HSF2: variants seen among roughly 807,000 people sequenced by gnomAD.
HSF2 encodes heat shock transcription factor 2.
In HSF2, 21 loss-of-function variants were observed where a neutral mutation model predicts 65.0. The ratio of observed to expected loss-of-function variants is 0.32; its 90% CI spans 0.23 to 0.47. HSF2 has a LOEUF of 0.47. Ranked by LOEUF, HSF2 falls within the 20% of genes least tolerant of loss-of-function variation. The pLI, the probability that HSF2 is intolerant of heterozygous loss-of-function variation, is 1.00. For missense variants in HSF2, 499 were observed against 628.1 expected (o/e 0.79, Z 2.20); for synonymous variants, 225 against 219.1 (o/e 1.03, Z -0.24).
chr6:122,409,283 C>T (rs972440261), intron 1 of HSF2, among the ~76,000 whole-genome samples: 4 of 151,832 alleles, frequency 2.6e-5, no homozygotes, highest in African/African-American at 9.7e-5. Context: ...GTTAGTTGTA[C>T]CAAATGAAAT....
At chr6:122,409,195 A>T (rs1249883203) in intron 1 of HSF2, among the ~76,000 whole-genome samples, 1 of 151,990 alleles carries the variant, frequency 6.6e-6, no homozygotes. Flanking sequence ...AAGAAAATTG[A>T]AAGGAAATAT....
chr6:122,409,844 G>C (rs547981174), intron 1 of HSF2, among the ~76,000 whole-genome samples: 1 of 151,968 alleles, frequency 6.6e-6, no homozygotes, highest in South Asian at 2.1e-4. Context: ...CCAAAAGCTT[G>C]CTTGTAAAGA....
At chr6:122,420,270 AT>A in intron 7 of HSF2, 48 bp downstream of exon 7, 6 of 1,425,956 alleles carry the variant, frequency 4.2e-6, no homozygotes, top group South Asian at 1.2e-5. Context: ...CTCAGACTAA[AT>A]TTTATTATGG....
In HSF2 at chr6:122,422,263, A is replaced by G. The variant is rs376400267; in HGVS notation, c.795A>G (p.Pro265=). ...ATGAAGAAAATATCCCAGTTATTCC[A>G]GAAACTAATGAGGATGTTATATCTG... The part of the protein sequence containing the change: ...NADEENIPVI[P]ETNEDVISDP... Residue 265 remains proline, a synonymous_variant, in exon 8 of 13, where the codon CCA becomes CCG. Coordinates refer to ENST00000368455, the MANE Select transcript of HSF2 (RefSeq NM_004506.4). 1.9e-5 allele frequency: 31 copies of G among 1,600,666 alleles called. No homozygotes were observed. The highest frequency in any genetic ancestry group is 2.7e-5 in the Non-Finnish European group (31 of 1,168,564).
intron 1 of HSF2, 114 bp downstream of exon 1, chr6:122,399,944 G>A: frequency 1.2e-6 from 1 of 807,934 alleles, no homozygotes. Flanking sequence ...CGAGGCCCGC[G>A]GTGCGGGGCC....
Position 122,431,559 on chromosome 6 carries a change from C to T in HSF2, c.1315+45C>T, listed in dbSNP as rs58931802. 446 of 1,114,968 alleles carry T rather than the reference C, an allele frequency of 4.0e-4. 2 individuals are homozygous for T. The African/African-American group carries it at 5.7e-3, about 14-fold the overall frequency. The allele number at this position is 1,114,968 out of a possible 1,614,324, so 69.1% of individuals were successfully genotyped here. ...TCAGTCTCTGTAGGTTTTTTTAATC[C>T]TATGCAGAAACAAGTGCAAGCCGAG... On this transcript the variant is annotated intron_variant, in intron 12 of 12. Coordinates refer to ENST00000368455, the MANE Select transcript of HSF2 (RefSeq NM_004506.4).
chr6:122,421,914 C>T (rs549628163), intron 7 of HSF2, among the ~76,000 whole-genome samples: 3 of 151,914 alleles, frequency 2.0e-5, no homozygotes, highest in Non-Finnish European at 4.4e-5. Context: ...TCTTCAGGGT[C>T]CCTTACAGTA....
At chr6:122,406,091 C>G (rs1444651542) in intron 1 of HSF2, among the ~76,000 whole-genome samples, 2 of 152,122 alleles carry the variant, frequency 1.3e-5, no homozygotes, top group African/African-American at 4.8e-5. Flanking sequence ...TCTCTTTTAT[C>G]CCCTGCTGAC....
chr6:122,399,640 TGCGTTGTGG>T (rs1773663849), upstream of HSF2: 1 of 971,454 alleles, frequency 1.0e-6, no homozygotes. Context: ...CTGCTGCGCC[TGCGTTGTGG>T]GCGTTCTCGG....
At chr6:122,410,329 C>G (rs1773962068) in intron 1 of HSF2, among the ~76,000 whole-genome samples, 3 of 151,622 alleles carry the variant, frequency 2.0e-5, no homozygotes, top group African/African-American at 4.8e-5. Flanking sequence ...TTTAAAGTTC[C>G]TGTATATTTT....
intron 5 of HSF2, among the ~76,000 whole-genome samples, chr6:122,417,652 G>T (rs1017481253): frequency 1.3e-5 from 2 of 152,114 alleles, no homozygotes; most frequent in African/African-American, 4.8e-5. Flanking sequence ...GTTACATGCT[G>T]TAAGTGTTAG....
intron 1 of HSF2, among the ~76,000 whole-genome samples, chr6:122,412,086 C>T (rs1323966000): frequency 6.6e-6 from 1 of 151,658 alleles, no homozygotes; most frequent in Non-Finnish European, 1.5e-5. Flanking sequence ...TTCATTTTCT[C>T]ATTGCTGGTT....
Position 122,422,308 on chromosome 6 carries a change from T to C in HSF2, c.830+10T>C. 6.4e-7 allele frequency: 1 copy of C among 1,570,642 alleles called. No individual in the cohort carries two copies. Among genetic ancestry groups the C allele is most frequent in the Non-Finnish European group, 8.7e-7 (1 of 1,147,626 alleles). ...TATCTGATCCCTCCAAGTAAGGAGT[T>C]TGTGAGATAAAATGTATGAAAATAT... On this transcript the variant is annotated intron_variant, in intron 8 of 12. Transcript: ENST00000368455.
At chr6:122,426,866 T>C (rs1774349117) in intron 10 of HSF2, among the ~76,000 whole-genome samples, 1 of 152,030 alleles carries the variant, frequency 6.6e-6, no homozygotes, top group African/African-American at 2.4e-5. Flanking sequence ...GGCCTCTACT[T>C]TTCGAACCTA....
chr6:122,414,035 G>A (rs141782889), intron 4 of HSF2, among the ~76,000 whole-genome samples: 2 of 152,136 alleles, frequency 1.3e-5, no homozygotes, highest in East Asian at 3.9e-4. Flanking sequence ...CCCATCCTTT[G>A]TTTAATGGCT....
chr6:122,419,019 A>G (rs1448548740), intron 5 of HSF2, 149 bp from the exon 6 acceptor site: 3 of 545,638 alleles, frequency 5.5e-6, no homozygotes, highest in East Asian at 3.3e-5. Context: ...CGGTGGTTCT[A>G]CGGTGCGTCT....
rs116739042 is a variant in HSF2, at chr6:122,432,515, C to T, written c.*295C>T. 1.9e-3 allele frequency: 540 copies of T among 284,794 alleles called. 2 individuals are homozygous for T. Among genetic ancestry groups the T allele is most frequent in the African/African-American group, 0.011 (488 of 45,248 alleles). The allele number at this position is 284,794 out of a possible 1,614,324, so 17.6% of individuals were successfully genotyped here. ...ATTGGATATCTTTTTTTTACAAATA[C>T]GACCATTAACCTCAGTTAAATTTTT... On this transcript the variant is annotated 3_prime_UTR_variant, in exon 13 of 13. Transcript: ENST00000368455.
rs770273049 is a variant in HSF2, at chr6:122,420,208, A to G, written c.667A>G (p.Asn223Asp). 1 of 1,597,742 alleles carries G rather than the reference A, an allele frequency of 6.3e-7. No homozygotes were observed. The highest frequency in any genetic ancestry group is 8.6e-7 in the Non-Finnish European group (1 of 1,167,080). Residue 223 changes from asparagine to aspartate, a missense_variant, in exon 7 of 13, where the codon AAT (asparagine) becomes GAT (aspartate). By Grantham distance (23) the Asn-to-Asp change is conservative. Coordinates refer to ENST00000368455, the MANE Select transcript of HSF2 (RefSeq NM_004506.4). ...FQHIVKEPTDNHHHKVPHSRT... is the reference protein window; with the variant it reads ...FQHIVKEPTDDHHHKVPHSRT... ...GCACATAGTCAAAGAACCAACTGAT[A>G]ATCATCATCATAAAGTAATTTTTTA...
chr6:122,417,148 G>T (rs113607471), intron 5 of HSF2, among the ~76,000 whole-genome samples: 3 of 140,726 alleles, frequency 2.1e-5, no homozygotes, highest in Non-Finnish European at 4.7e-5. Context: ...GATTTACTGT[G>T]TTTTTTTTTT....
Sources: allele counts gnomAD v4.1 joint callset (sites outside exome capture counted in the v4.1 genomes callset), GRCh38; gene constraint gnomAD v4.1.1; transcripts MANE v1.5; gene names NCBI Gene and HGNC (gene_info 2026-07-23, HGNC 2026-07-21).